The following SLC5A1 variants were observed in gnomAD, a reference collection of about 807,000 sequenced individuals.
SLC5A1 encodes sodium/glucose cotransporter 1.
In SLC5A1, 42 loss-of-function variants were observed where a neutral mutation model predicts 73.5. The observed-to-expected ratio is 0.57, with a 90% CI of 0.45 to 0.74. SLC5A1 has a LOEUF of 0.74. Ranked by LOEUF, SLC5A1 falls within the 30% of genes least tolerant of loss-of-function variation. The pLI is 0.00. For synonymous variants in SLC5A1, 300 were observed against 317.4 expected (o/e 0.95, Z 0.58); for missense variants, 634 against 855.4 (o/e 0.74, Z 3.23).
At chr22:32,095,870 T>G (rs117539073) in intron 11 of SLC5A1, among the ~76,000 whole-genome samples, 6,464 of 152,316 alleles carry the variant, frequency 0.042, 180 homozygotes, top group Middle Eastern at 0.065. Context: ...TATTGAGATG[T>G]GAGGTACTAT....
intron 11 of SLC5A1, among the ~76,000 whole-genome samples, chr22:32,095,399 G>A (rs2094024618): frequency 6.6e-6 from 1 of 152,114 alleles, no homozygotes; most frequent in South Asian, 2.1e-4. Flanking sequence ...TTCCTTTGTT[G>A]ACTTTCTGTC....
chr22:32,090,040 G>A (rs2094014443), intron 10 of SLC5A1, among the ~76,000 whole-genome samples: 2 of 150,254 alleles, frequency 1.3e-5, no homozygotes, highest in South Asian at 4.2e-4. Flanking sequence ...ATCAAGAAAT[G>A]AGGCCTAGAG....
chr22:32,044,502 G>T (rs1299722089), intron 1 of SLC5A1, among the ~76,000 whole-genome samples: 1 of 151,180 alleles, frequency 6.6e-6, no homozygotes, highest in Admixed American at 6.6e-5. Flanking sequence ...CTTTTTCAGG[G>T]ACAAAAGGAA....
rs144518384 is a variant in SLC5A1 at position 32,083,287 on chromosome 22, C to T, written c.664+133C>T. ...CTGAGGCATGCTCTGCCCTTCCAAA[C>T]GGAGGGTCCAGCCCAGATGGGCTGT... On this transcript the variant is annotated intron_variant, in intron 7 of 14. Coordinates refer to ENST00000266088, the MANE Select transcript of SLC5A1 (RefSeq NM_000343.4). The T allele has an allele frequency of 3.2e-4, 238 of 732,974 alleles. No homozygotes were observed. The African/African-American group carries it at 3.4e-3, about 11-fold the overall frequency. The allele number at this position is 732,974 out of a possible 1,614,324, so 45.4% of individuals were successfully genotyped here. A position where few individuals can be genotyped will look rare whatever the true frequency, so the allele number is the denominator to read the frequency against.
chr22:32,070,942 TTAG>T (rs749841494), intron 5 of SLC5A1, among the ~76,000 whole-genome samples: 11 of 152,142 alleles, frequency 7.2e-5, no homozygotes, highest in Non-Finnish European at 1.3e-4. Flanking sequence ...AAATAGGACT[TTAG>T]TAAGAAAACT....
rs1475299757 is a variant in SLC5A1, at chr22:32,043,595, A to G, written c.135+179A>G. ...GAAGGGAGGAGGGCAAGCAAGGATG[A>G]GCAGAAGTGAGAAGGGTGCCCAGGG... is the stretch of plus-strand genomic sequence containing the variant. On this transcript the variant is annotated intron_variant, in intron 1 of 14. Transcript: ENST00000266088. The surrounding 1 kb of genome is among the most constrained non-coding windows in gnomAD (Gnocchi z 6.5). Among the ~76,000 whole-genome samples, 2 of 152,108 alleles carry G rather than the reference A, an allele frequency of 1.3e-5. No homozygotes were observed. Among genetic ancestry groups the G allele is most frequent in the Non-Finnish European group, 2.9e-5 (2 of 68,020 alleles).
chr22:32,086,771 G>C (rs2094009079), intron 10 of SLC5A1, among the ~76,000 whole-genome samples: 1 of 152,140 alleles, frequency 6.6e-6, no homozygotes. Flanking sequence ...AATGAAATCA[G>C]TGTTTTGAAG....
At chr22:32,088,951 TG>T (rs896879021) in intron 10 of SLC5A1, among the ~76,000 whole-genome samples, 25 of 152,260 alleles carry the variant, frequency 1.6e-4, no homozygotes, top group African/African-American at 5.8e-4. Flanking sequence ...TTTTTACTTT[TG>T]TTACCCTAGT....
At chr22:32,050,920 G>A (rs1460828912) in intron 2 of SLC5A1, among the ~76,000 whole-genome samples, 1 of 152,200 alleles carries the variant, frequency 6.6e-6, no homozygotes, top group Non-Finnish European at 1.5e-5. Context: ...GGTGGCCCAG[G>A]ATTCCCTTTT....
chr22:32,082,012 G>A (rs768644367), intron 6 of SLC5A1, 41 bp downstream of exon 6: 15 of 1,255,634 alleles, frequency 1.2e-5, no homozygotes, highest in African/African-American at 4.4e-5. Flanking sequence ...AACCCAGCTC[G>A]GGATCAGGCA....
intron 2 of SLC5A1, among the ~76,000 whole-genome samples, chr22:32,065,291 T>C (rs1038955934): frequency 6.6e-6 from 1 of 152,140 alleles, no homozygotes; most frequent in African/African-American, 2.4e-5. Context: ...ATCATTATCA[T>C]ATATCAACCT....
chr22:32,065,728 C>A (rs1343109264), intron 2 of SLC5A1, among the ~76,000 whole-genome samples: 1 of 152,220 alleles, frequency 6.6e-6, no homozygotes, highest in Non-Finnish European at 1.5e-5. Context: ...CATTGTCATT[C>A]TGAGAACTTC....
intron 11 of SLC5A1, 50 bp from the exon 12 acceptor site, chr22:32,099,126 ATATATAC>A: frequency 1.5e-5 from 9 of 582,962 alleles, no homozygotes; most frequent in Admixed American, 2.1e-5. Flanking sequence ...ATATATATAT[ATATATAC>A]TCATGTAGAG....
chr22:32,049,141 T>C (rs59341412), intron 1 of SLC5A1, among the ~76,000 whole-genome samples: 2,180 of 144,546 alleles, frequency 0.015, 57 homozygotes, highest in African/African-American at 0.051. Context: ...TCATTATATA[T>C]ATATAATCTA....
chr22:32,069,183 C>G (rs2093978912), intron 5 of SLC5A1, among the ~76,000 whole-genome samples: 1 of 151,994 alleles, frequency 6.6e-6, no homozygotes, highest in South Asian at 2.1e-4. Flanking sequence ...AGGCTAGGCA[C>G]AGAAAGACAA....
chr22:32,077,996 C>T (rs1037451631), intron 5 of SLC5A1, among the ~76,000 whole-genome samples: 1 of 152,180 alleles, frequency 6.6e-6, no homozygotes, highest in South Asian at 2.1e-4. Flanking sequence ...TTTGGCCTTG[C>T]TCAAATTGTG....
At chr22:32,083,449 T>C (rs928346888) in intron 7 of SLC5A1, among the ~76,000 whole-genome samples, 1 of 152,194 alleles carries the variant, frequency 6.6e-6, no homozygotes, top group Non-Finnish European at 1.5e-5. Context: ...GGTGTTCTGT[T>C]TGCAGAGAAA....
At chr22:32,072,879 G>C (rs79061246) in intron 5 of SLC5A1, among the ~76,000 whole-genome samples, 6,810 of 152,096 alleles carry the variant, frequency 0.045, 206 homozygotes, top group Non-Finnish European at 0.07. Flanking sequence ...TTTTTATTGG[G>C]TTATGTGTCT....
chr22:32,060,671 G>A (rs2093961002), intron 2 of SLC5A1, among the ~76,000 whole-genome samples: 1 of 152,150 alleles, frequency 6.6e-6, no homozygotes, highest in Admixed American at 6.5e-5. Flanking sequence ...CTGGGCTCAA[G>A]CGATCCTCCC....
Sources: gnomAD v4.1 joint callset for allele counts (sites outside exome capture counted in the v4.1 genomes callset) on GRCh38, gnomAD v4.1.1 for gene constraint, Gnocchi (gnomAD v3.1) non-coding constraint, MANE v1.5 for transcripts, NCBI Gene and HGNC (gene_info 2026-07-23, HGNC 2026-07-21) for gene names.